CSTPP1: variants seen among roughly 807,000 people sequenced by gnomAD.
CSTPP1 encodes centriolar satellite-associated tubulin polyglutamylase complex regulator 1.
chr11:47,013,042 G>A, the CSTPP1 span, among the ~76,000 whole-genome samples: 7 of 145,490 alleles, frequency 4.8e-5, no homozygotes, highest in Non-Finnish European at 9.0e-5. Context: ...ATAATAATAT[G>A]TTATTATATA....
the CSTPP1 span, among the ~76,000 whole-genome samples, chr11:46,952,608 T>C: frequency 2.6e-5 from 4 of 152,232 alleles, no homozygotes; most frequent in African/African-American, 9.6e-5. Flanking sequence ...GTTTTTGTCC[T>C]CTACCTCTTG....
the CSTPP1 span, chr11:47,161,960 C>G: frequency 9.3e-7 from 1 of 1,073,610 alleles, no homozygotes; most frequent in Non-Finnish European, 1.1e-6. Context: ...TCTGAGCCAG[C>G]CTCTGCGGGT....
the CSTPP1 span, among the ~76,000 whole-genome samples, chr11:47,135,149 A>C: frequency 2.5e-4 from 38 of 152,020 alleles, no homozygotes; most frequent in Non-Finnish European, 1.5e-5. Flanking sequence ...AATAAAAAAA[A>C]CTCAGCAACA....
chr11:46,951,038 C>A, the CSTPP1 span, among the ~76,000 whole-genome samples: 1 of 152,196 alleles, frequency 6.6e-6, no homozygotes, highest in Non-Finnish European at 1.5e-5. Flanking sequence ...AGGTAGACAC[C>A]AGCTGATCCC....
At chr11:47,038,076 G>C in the CSTPP1 span, among the ~76,000 whole-genome samples, 7 of 96,722 alleles carry the variant, frequency 7.2e-5, no homozygotes, top group Admixed American at 1.1e-4. Flanking sequence ...CTCACCTCCC[G>C]GATGGGGCGG....
At chr11:47,124,974 G>A in the CSTPP1 span, among the ~76,000 whole-genome samples, 2 of 152,120 alleles carry the variant, frequency 1.3e-5, no homozygotes, top group African/African-American at 4.8e-5. Context: ...TCCTTTACCA[G>A]GAAACCATAC....
chr11:47,038,231 C>G, the CSTPP1 span, among the ~76,000 whole-genome samples: 1,423 of 62,580 alleles, frequency 0.023, 1 homozygote, highest in African/African-American at 0.024. Context: ...GGGCGGCCGG[C>G]CAGAGGCGCC....
the CSTPP1 span, among the ~76,000 whole-genome samples, chr11:47,001,583 A>G: frequency 6.6e-6 from 1 of 152,068 alleles, no homozygotes; most frequent in South Asian, 2.1e-4. Context: ...TTTGTTACAT[A>G]GGTAATAGTG....
chr11:46,967,809 T>C, the CSTPP1 span, among the ~76,000 whole-genome samples: 1 of 148,866 alleles, frequency 6.7e-6, no homozygotes, highest in African/African-American at 2.4e-5. Context: ...TTTATAACTA[T>C]ATTATTATAT....
At chr11:47,033,344 A>C in the CSTPP1 span, among the ~76,000 whole-genome samples, 1 of 152,226 alleles carries the variant, frequency 6.6e-6, no homozygotes, top group Non-Finnish European at 1.5e-5. Context: ...AAAAGAAGTC[A>C]AAAGCAGTCT....
chr11:47,161,092 T>G, the CSTPP1 span: 11 of 1,613,704 alleles, frequency 6.8e-6, no homozygotes, highest in Non-Finnish European at 9.3e-6. Flanking sequence ...TGAAGGGCCC[T>G]CAGATTAACT....
At chr11:47,126,422 A>T in the CSTPP1 span, among the ~76,000 whole-genome samples, 2 of 152,322 alleles carry the variant, frequency 1.3e-5, no homozygotes, top group South Asian at 2.1e-4. Flanking sequence ...CAGGATTTCC[A>T]GAGCAACCTG....
At chr11:47,040,675 A>G in the CSTPP1 span, among the ~76,000 whole-genome samples, 1 of 126,668 alleles carries the variant, frequency 7.9e-6, no homozygotes, top group African/African-American at 2.5e-5. Flanking sequence ...GGCAACCTTC[A>G]TCCAACCCAA....
At chr11:47,161,570 C>T in the CSTPP1 span, 1 of 1,614,128 alleles carries the variant, frequency 6.2e-7, no homozygotes. Context: ...GAGACCTCTC[C>T]ATCATTCCCG....
the CSTPP1 span, among the ~76,000 whole-genome samples, chr11:47,128,962 A>G: frequency 6.6e-6 from 1 of 152,132 alleles, no homozygotes; most frequent in South Asian, 2.1e-4. Flanking sequence ...CCTCTTTTTC[A>G]AAGGTTGAGT....
At chr11:47,117,242 C>A in the CSTPP1 span, among the ~76,000 whole-genome samples, 1 of 152,202 alleles carries the variant, frequency 6.6e-6, no homozygotes, top group African/African-American at 2.4e-5. Context: ...ATGGTCTTTA[C>A]AATTTGGCAT....
chr11:47,137,315 G>T, the CSTPP1 span: 1 of 1,360,202 alleles, frequency 7.4e-7, no homozygotes, highest in Non-Finnish European at 9.7e-7. Context: ...TGTTCTTCCA[G>T]ATTTTTATAT....
At chr11:47,160,938 G>A in the CSTPP1 span, 10 of 679,838 alleles carry the variant, frequency 1.5e-5, no homozygotes, top group East Asian at 1.1e-4. Context: ...TTCAATAAAT[G>A]TATCAAGCAA....
the CSTPP1 span, among the ~76,000 whole-genome samples, chr11:47,060,800 A>G: frequency 6.6e-6 from 1 of 152,152 alleles, no homozygotes; most frequent in African/African-American, 2.4e-5. Flanking sequence ...CCCTATGAAA[A>G]TAAAAAATTT....
Sources: allele counts gnomAD v4.1 joint callset (sites outside exome capture counted in the v4.1 genomes callset), GRCh38; gene constraint gnomAD v4.1.1; transcripts MANE v1.5; gene names NCBI Gene and HGNC (gene_info 2026-07-23, HGNC 2026-07-21).